Variants in ANK3 observed in about 807,000 individuals in gnomAD.
The protein encoded by ANK3 is ankyrin-3.
Under a neutral mutation model 370.9 loss-of-function variants are expected in ANK3, and 57 were observed. That is an observed-to-expected ratio of 0.15 (90% confidence interval 0.12 to 0.19). ANK3 has a LOEUF of 0.19. Ranked by LOEUF, ANK3 falls within the 10% of genes least tolerant of loss-of-function variation. The pLI is 1.00. For synonymous variants in ANK3, 1,929 were observed against 1,946.3 expected, an observed-to-expected ratio of 0.99 and a Z score of 0.23; for missense variants, 4,439 against 5,302.1, an observed-to-expected ratio of 0.84 and a Z score of 5.06.
intron 1 of ANK3, among the ~76,000 whole-genome samples, chr10:60,331,387 C>T (rs985572606): frequency 6.6e-6 from 1 of 151,792 alleles, no homozygotes; most frequent in East Asian, 1.9e-4. Flanking sequence ...ATGTGTTATA[C>T]ACCAAAATTA....
intron 1 of ANK3, among the ~76,000 whole-genome samples, chr10:60,384,358 C>T (rs541327878): frequency 2.0e-5 from 3 of 152,296 alleles, no homozygotes; most frequent in South Asian, 4.2e-4. Context: ...AAAACAGACA[C>T]TACAATACTG....
chr10:60,176,251 G>A (rs1485511965), intron 18 of ANK3, among the ~76,000 whole-genome samples: 1 of 149,994 alleles, frequency 6.7e-6, no homozygotes, highest in Non-Finnish European at 1.5e-5. Flanking sequence ...TGTAGTCCCA[G>A]CTACTCAGGA....
At chr10:60,648,567 G>A (rs1179728973) in intron 1 of ANK3, among the ~76,000 whole-genome samples, 6 of 144,688 alleles carry the variant, frequency 4.1e-5, no homozygotes, top group East Asian at 2.3e-4. Context: ...TCAGGAGTTC[G>A]AGACCAGCCT....
intron 1 of ANK3, among the ~76,000 whole-genome samples, chr10:60,329,015 A>G (rs1321839216): frequency 6.6e-6 from 1 of 152,246 alleles, no homozygotes; most frequent in Non-Finnish European, 1.5e-5. Flanking sequence ...TCACATAAAC[A>G]GAACCAATGA....
intron 39 of ANK3, 152 bp downstream of exon 39, chr10:60,064,005 A>G: frequency 1.5e-6 from 1 of 666,718 alleles, no homozygotes; most frequent in South Asian, 3.5e-5. Context: ...GTATAACTTC[A>G]AAAGACTTGC....
intron 2 of ANK3, among the ~76,000 whole-genome samples, chr10:60,500,848 A>G (rs913688242): frequency 6.6e-6 from 1 of 152,212 alleles, no homozygotes; most frequent in Non-Finnish European, 1.5e-5. Context: ...CTCACCTTGA[A>G]ATCTGTCACA....
At chr10:60,266,843 T>C (rs1318499967) in intron 5 of ANK3, among the ~76,000 whole-genome samples, 2 of 152,144 alleles carry the variant, frequency 1.3e-5, no homozygotes, top group South Asian at 2.1e-4. Context: ...GGAAAAAAGG[T>C]CCATCCCCTG....
chr10:60,541,462 A>G (rs1421840628), intron 2 of ANK3, among the ~76,000 whole-genome samples: 1 of 152,138 alleles, frequency 6.6e-6, no homozygotes, highest in South Asian at 2.1e-4. Flanking sequence ...AGATAATATT[A>G]CGTTTTCTTT....
chr10:60,713,942 A>T (rs1024644097), intron 1 of ANK3, among the ~76,000 whole-genome samples: 3 of 150,348 alleles, frequency 2.0e-5, no homozygotes, highest in African/African-American at 7.3e-5. Flanking sequence ...AGAGAATATA[A>T]AAAAAAAAGC....
chr10:60,389,446 C>T lies in ANK3; in HGVS notation c.93G>A (p.Arg31=), dbSNP rs543386041. The T allele has an allele frequency of 1.2e-6, 2 of 1,613,924 alleles. No homozygotes were observed. Among genetic ancestry groups the T allele is most frequent in the South Asian group, 2.2e-5 (2 of 91,062 alleles). ...ATACCTTTTTCTTCCGATCCCGGGA[C>T]CGTTTGCGGTGTTTCCTTTTTTTCT... ...EPEKKRKHRK[R]SRDRKKKSDA... Residue 31 remains arginine, a synonymous_variant, in exon 1 of 44, where the codon CGG becomes CGA. Transcript: ENST00000280772.
At chr10:60,696,524 T>C (rs1353373552) in intron 1 of ANK3, among the ~76,000 whole-genome samples, 3 of 151,398 alleles carry the variant, frequency 2.0e-5, no homozygotes, top group Non-Finnish European at 4.4e-5. Flanking sequence ...GCAAACCGAA[T>C]CCAGCAGTAC....
chr10:60,249,305 T>C (rs2097607212), intron 7 of ANK3, among the ~76,000 whole-genome samples: 1 of 152,230 alleles, frequency 6.6e-6, no homozygotes. Context: ...CCTGAAATGT[T>C]TCTAATGAAT....
chr10:60,698,922 A>AT (rs879744683), intron 1 of ANK3, among the ~76,000 whole-genome samples: 2 of 150,136 alleles, frequency 1.3e-5, no homozygotes, highest in African/African-American at 4.9e-5. Flanking sequence ...AATAATAATA[A>AT]AGAAAAATAA....
rs1442452882 is a variant in ANK3 at position 60,139,230 on chromosome 10, T to C, written c.2615-143A>G. On this transcript the variant is annotated intron_variant, in intron 23 of 43. Coordinates refer to ENST00000280772, the MANE Select transcript of ANK3 (RefSeq NM_020987.5). ...CTATCACCTGGATAATTTTTGAAAC[T>C]CTCATTTAGAAGGAAAAGGTATAGG... The C allele has an allele frequency of 6.9e-6, 7 of 1,015,460 alleles. No homozygotes were observed. In the South Asian group the frequency reaches 1.0e-4, roughly 14 times the overall value. 62.9% of individuals were successfully genotyped at this position (1,015,460 alleles called of 1,614,324 possible).
At chr10:60,138,740 A>G in intron 24 of ANK3, 1 of 598,526 alleles carries the variant, frequency 1.7e-6, no homozygotes, top group Non-Finnish European at 2.8e-6. Context: ...TGGGAAAAAA[A>G]AAAAGAACAC....
intron 1 of ANK3, among the ~76,000 whole-genome samples, chr10:60,711,988 A>T (rs1358691233): frequency 6.6e-6 from 1 of 152,238 alleles, no homozygotes. Context: ...ATTATTCTTT[A>T]AAAAGGAAGA....
At position 60,475,408 on chromosome 10, in the gene ANK3, C is replaced by A. The variant is rs72807918; in HGVS notation, c.96+139778G>T. On this transcript the variant is annotated intron_variant, in intron 2 of 43. Transcript: ENST00000373827. ...ATTTCCTGTTCACTACTGTTCCTTG[C>A]GTCCATAAATTTTGGCTTCTGTTTG... is the stretch of plus-strand genomic sequence containing the variant. 8.9e-3 allele frequency among the ~76,000 whole-genome samples: 1,355 copies of A among 152,174 alleles called. 10 individuals are homozygous for A. Among genetic ancestry groups the A allele is most frequent in the African/African-American group, 0.014 (568 of 41,526 alleles).
intron 28 of ANK3, among the ~76,000 whole-genome samples, chr10:60,096,897 A>G (rs758530126): frequency 2.0e-4 from 31 of 152,238 alleles, no homozygotes; most frequent in Admixed American, 1.6e-3. Context: ...CATAAACATA[A>G]GAGCTTCTTA....
At chr10:60,424,361 A>G (rs2063836852) in intron 2 of ANK3, among the ~76,000 whole-genome samples, 1 of 152,084 alleles carries the variant, frequency 6.6e-6, no homozygotes, top group South Asian at 2.1e-4. Flanking sequence ...GGAAAAAAAT[A>G]CCAATCAAGT....
Sources: gnomAD v4.1 joint callset for allele counts (sites outside exome capture counted in the v4.1 genomes callset) on GRCh38, gnomAD v4.1.1 for gene constraint, MANE v1.5 for transcripts, NCBI Gene and HGNC (gene_info 2026-07-23, HGNC 2026-07-21) for gene names.